PAM: variants seen among roughly 807,000 people sequenced by gnomAD.
PAM encodes peptidyl-glycine alpha-amidating monooxygenase.
A neutral mutation model predicts 122.1 loss-of-function variants in PAM; 72 were observed. That is an observed-to-expected ratio of 0.59 (90% confidence interval 0.49 to 0.72). The LOEUF (loss-of-function observed/expected upper bound fraction) is 0.72. Among genes scored for constraint, PAM ranks in the 30% least tolerant of loss-of-function variants. The probability of loss-of-function intolerance (pLI) is 0.00; values close to 1 mark genes in which losing one functional copy is unlikely to be tolerated. For synonymous variants in PAM, 389 were observed against 404.4 expected (o/e 0.96, Z 0.46); for missense variants, 1,106 against 1,183.7 (o/e 0.93, Z 0.96).
At chr5:102,945,212 T>C (rs542458709) in intron 7 of PAM, among the ~76,000 whole-genome samples, 3 of 152,072 alleles carry the variant, frequency 2.0e-5, no homozygotes, top group Admixed American at 6.6e-5. Context: ...ATCTATTGAG[T>C]ATTAAGTACC....
At chr5:102,787,532 T>C (rs556857456) in intron 1 of PAM, among the ~76,000 whole-genome samples, 12 of 151,248 alleles carry the variant, frequency 7.9e-5, no homozygotes, top group Admixed American at 5.9e-4. Context: ...TGCCCAATTA[T>C]GGGGACAGAT....
At chr5:103,016,940 A>G (rs1286470335) in intron 21 of PAM, among the ~76,000 whole-genome samples, 1 of 152,236 alleles carries the variant, frequency 6.6e-6, no homozygotes. Flanking sequence ...GTACAAATTT[A>G]AAAAAGCAAA....
intron 15 of PAM, among the ~76,000 whole-genome samples, chr5:102,985,068 G>A (rs558319847): frequency 1.3e-5 from 2 of 152,100 alleles, no homozygotes; most frequent in South Asian, 2.1e-4. Context: ...AAGACCTATG[G>A]AATATAGCAA....
intron 7 of PAM, among the ~76,000 whole-genome samples, chr5:102,931,080 A>G (rs1471522398): frequency 6.6e-6 from 1 of 152,194 alleles, no homozygotes; most frequent in Admixed American, 6.5e-5. Context: ...TTATATAAAT[A>G]AAGGTACCTG....
At chr5:102,789,155 A>G (rs887181465) in intron 1 of PAM, among the ~76,000 whole-genome samples, 2 of 152,140 alleles carry the variant, frequency 1.3e-5, no homozygotes, top group African/African-American at 4.8e-5. Flanking sequence ...ATAATGAAAT[A>G]GATCCTTGGC....
intron 15 of PAM, among the ~76,000 whole-genome samples, chr5:102,977,658 G>GCGCACACA (rs1195392580): frequency 1.7e-4 from 25 of 143,048 alleles, no homozygotes; most frequent in South Asian, 4.7e-4. Flanking sequence ...ATGCATGTGC[G>GCGCACACA]CACACACACA....
chr5:102,819,672 A>G (rs997422321), intron 1 of PAM, among the ~76,000 whole-genome samples: 5 of 152,160 alleles, frequency 3.3e-5, no homozygotes, highest in African/African-American at 1.2e-4. Flanking sequence ...TTTGTTCTTA[A>G]TCAACAGTGC....
intron 7 of PAM, among the ~76,000 whole-genome samples, chr5:102,930,992 C>T (rs751552542): frequency 1.3e-5 from 2 of 152,112 alleles, no homozygotes; most frequent in South Asian, 2.1e-4. Context: ...TTGTTACCCT[C>T]GCTGAGTTTC....
chr5:103,026,763 A>G (rs1409026626), intron 24 of PAM, among the ~76,000 whole-genome samples: 2 of 152,254 alleles, frequency 1.3e-5, no homozygotes, highest in East Asian at 3.8e-4. Context: ...TGAAAGAGAC[A>G]TGAAACAAAA....
intron 21 of PAM, among the ~76,000 whole-genome samples, chr5:103,010,648 C>T (rs1160399072): frequency 6.6e-6 from 1 of 152,146 alleles, no homozygotes; most frequent in Non-Finnish European, 1.5e-5. Context: ...GATCAAAATA[C>T]AACTATCATC....
intron 1 of PAM, among the ~76,000 whole-genome samples, chr5:102,755,819 G>T (rs1283344654): frequency 6.6e-6 from 1 of 152,100 alleles, no homozygotes; most frequent in Non-Finnish European, 1.5e-5. Context: ...GGCCGCCGCG[G>T]AGTAGCAACC....
chr5:102,881,412 G>A (rs115026882), intron 3 of PAM, among the ~76,000 whole-genome samples: 1 of 151,920 alleles, frequency 6.6e-6, no homozygotes, highest in East Asian at 1.9e-4. Flanking sequence ...ATTCAAAAGA[G>A]CTATGATATA....
At chr5:102,835,837 G>C (rs1776868584) in intron 1 of PAM, among the ~76,000 whole-genome samples, 1 of 152,038 alleles carries the variant, frequency 6.6e-6, no homozygotes, top group Admixed American at 6.6e-5. Flanking sequence ...ATATGTTTCA[G>C]GGAAAGGAGG....
At chr5:102,884,643 A>G (rs931342612) in intron 3 of PAM, among the ~76,000 whole-genome samples, 2 of 151,942 alleles carry the variant, frequency 1.3e-5, no homozygotes, top group Middle Eastern at 3.2e-3. Context: ...GTCTGAATTA[A>G]TATTTCAATA....
chr5:103,006,333 A>G (rs1261566989), intron 18 of PAM, among the ~76,000 whole-genome samples: 1 of 151,032 alleles, frequency 6.6e-6, no homozygotes, highest in Non-Finnish European at 1.5e-5. Context: ...TAGTAAATGT[A>G]TATTTATATA....
chr5:103,027,357 C>T (rs11958562), intron 24 of PAM, among the ~76,000 whole-genome samples: 45,669 of 152,024 alleles, frequency 0.3, 7,056 homozygotes, highest in East Asian at 0.45. Context: ...CTCTCATCTG[C>T]GCTATCTTTT....
chr5:102,801,557 C>T (rs1003490636), intron 1 of PAM, among the ~76,000 whole-genome samples: 15 of 152,062 alleles, frequency 9.9e-5, no homozygotes, highest in Non-Finnish European at 1.3e-4. Context: ...TTTGTAAAAC[C>T]CTTGCACAAA....
Position 102,969,446 on chromosome 5 carries a change from A to AT in PAM, c.1163-4666dup, listed in dbSNP as rs545552450. Among the ~76,000 whole-genome samples the AT allele has an allele frequency of 2.9e-3, 435 of 152,254 alleles. 1 individual carries two copies. Among genetic ancestry groups the AT allele is most frequent in the South Asian group, 9.5e-3 (46 of 4,820 alleles). ...CCACTTTTAATACCATCCTAGACAGATTTTGTCATCCAGAGCAGAGATGGG... is the reference window on the plus strand; with the variant it reads ...CCACTTTTAATACCATCCTAGACAGATTTTTGTCATCCAGAGCAGAGATGGG... On this transcript the variant is annotated intron_variant, in intron 14 of 25. Coordinates refer to ENST00000438793, the MANE Select transcript of PAM (RefSeq NM_001177306.2).
In PAM at chr5:103,000,550, G is replaced by A. The variant is rs114883766; in HGVS notation, c.1614-2483G>A. Reference sequence around the variant, plus strand: ...ACCCTATTTCTGGTACCAATTTCCTGTATTAGTTCCTTCTCACACTGCTAA... The same window carrying A: ...ACCCTATTTCTGGTACCAATTTCCTATATTAGTTCCTTCTCACACTGCTAA... On this transcript the variant is annotated intron_variant, in intron 16 of 25. Coordinates refer to ENST00000438793, the MANE Select transcript of PAM (RefSeq NM_001177306.2). Among the ~76,000 whole-genome samples the A allele has an allele frequency of 3.9e-3, 599 of 152,196 alleles. 2 individuals are homozygous for A. The highest frequency in any genetic ancestry group is 0.014 in the African/African-American group (564 of 41,532).
Sources: gnomAD v4.1 joint callset for allele counts (sites outside exome capture counted in the v4.1 genomes callset) on GRCh38, gnomAD v4.1.1 for gene constraint, MANE v1.5 for transcripts, NCBI Gene and HGNC (gene_info 2026-07-23, HGNC 2026-07-21) for gene names.